GSE1: variants seen among roughly 807,000 people sequenced by gnomAD.
The protein encoded by GSE1 is Gse1 coiled-coil protein, also known as genetic suppressor element 1.
GSE1 carries 32 observed loss-of-function variants against 112.6 expected under a neutral mutation model. The observed-to-expected ratio is 0.28, with a 90% CI of 0.21 to 0.38. GSE1 has a LOEUF of 0.38. GSE1 is among the 10% of genes least tolerant of loss of function. The probability of loss-of-function intolerance (pLI) is 1.00; values close to 1 mark genes in which losing one functional copy is unlikely to be tolerated. For missense variants in GSE1, 2,348 were observed against 1,699.2 expected, an observed-to-expected ratio of 1.38 and a Z score of -6.71; for synonymous variants, 1,115 against 735.6, an observed-to-expected ratio of 1.52 and a Z score of -8.35.
intron 2 of GSE1, among the ~76,000 whole-genome samples, chr16:85,465,165 C>T (rs893696251): frequency 2.0e-5 from 3 of 152,234 alleles, no homozygotes; most frequent in Admixed American, 6.5e-5. Context: ...GAGTGTGGGA[C>T]GGCCCCTGGT....
rs533200354 is a variant in GSE1, at chr16:85,209,539, C to G, written c.2283+37732C>G. Among the ~76,000 whole-genome samples, 37 of 152,304 alleles carry G rather than the reference C, an allele frequency of 2.4e-4. No homozygotes were observed. In the South Asian group the frequency reaches 7.7e-3, roughly 32 times the overall value. On this transcript the variant is annotated intron_variant, in intron 1 of 2. Coordinates refer to the GSE1 transcript ENST00000637419. ...CCTCTCCCCCATCACCATCGCTGCC[C>G]CACATTAGGGAGAAACCCATAAGCA...
At chr16:85,256,183 C>T (rs180834469) in intron 1 of GSE1, among the ~76,000 whole-genome samples, 5 of 151,134 alleles carry the variant, frequency 3.3e-5, no homozygotes, top group East Asian at 2.0e-4. Flanking sequence ...GCTCTTCCCT[C>T]GGCAGGCAGA....
intron 1 of GSE1, among the ~76,000 whole-genome samples, chr16:85,258,251 G>A (rs1206884157): frequency 5.3e-5 from 8 of 152,308 alleles, no homozygotes; most frequent in East Asian, 3.9e-4. Context: ...CTGGCCCATC[G>A]CACCGCTGGG....
intron 2 of GSE1, among the ~76,000 whole-genome samples, chr16:85,636,455 G>A (rs1486147116): frequency 2.0e-5 from 3 of 152,206 alleles, no homozygotes; most frequent in African/African-American, 7.2e-5. Flanking sequence ...GTCTGGATGG[G>A]GAGGGACTGG....
rs549017042 is a variant in GSE1 at position 85,319,458 on chromosome 16, C to T, written c.2284-38005C>T. ...TGGCAGCAGAGCCTCCTCGTCCTCA[C>T]CCTTCCGTTCCAGCGGGAGTGGGTG... On this transcript the variant is annotated intron_variant, in intron 1 of 2. Transcript: ENST00000637419. Among the ~76,000 whole-genome samples, 4 of 152,320 alleles carry T rather than the reference C, an allele frequency of 2.6e-5. No individual in the cohort carries two copies. In the South Asian group the frequency reaches 8.3e-4, roughly 32 times the overall value.
At chr16:85,345,555 C>A (rs1037018061) in intron 1 of GSE1, among the ~76,000 whole-genome samples, 5 of 152,218 alleles carry the variant, frequency 3.3e-5, no homozygotes, top group African/African-American at 1.2e-4. Flanking sequence ...CAAACATCCT[C>A]TTCTCAGTGT....
chr16:85,668,279 G>C lies in GSE1; in HGVS notation c.3270G>C (p.Lys1090Asn). 1 of 1,613,172 alleles carries C rather than the reference G, an allele frequency of 6.2e-7. No individual in the cohort carries two copies. Among genetic ancestry groups the C allele is most frequent in the East Asian group, 2.2e-5 (1 of 44,868 alleles). The change falls in exon 14 of 16, where the codon AAG becomes AAC. Residue 1090 changes from lysine (K) to asparagine (N), a missense_variant. Lys to Asn is a moderately conservative substitution (Grantham distance 94, BLOSUM62 0). Coordinates refer to ENST00000253458, the MANE Select transcript of GSE1 (RefSeq NM_014615.5). Reference protein sequence around the residue: ...NGQQEPPTARKGPPTQELDRD... With the variant: ...NGQQEPPTARNGPPTQELDRD... ...AGCAGGAGCCCCCCACTGCAAGGAA[G>C]GGCCCCCCAACCCAGGAGTTGGACC...
intron 1 of GSE1, among the ~76,000 whole-genome samples, chr16:85,213,786 A>G (rs2143681573): frequency 6.6e-6 from 1 of 152,340 alleles, no homozygotes; most frequent in Non-Finnish European, 1.5e-5. Context: ...AGTGAAGAAC[A>G]TTGAAGGCCC....
At position 85,578,570 on chromosome 16, in the gene GSE1, AG is replaced by A. The variant is rs199718608; in HGVS notation, c.37+22208del. Among the ~76,000 whole-genome samples the A allele has an allele frequency of 6.5e-3, 995 of 152,306 alleles. 3 individuals carry two copies. The highest frequency in any genetic ancestry group is 9.9e-3 in the Non-Finnish European group (675 of 68,022). The stretch of plus-strand genomic sequence containing the variant: ...TTTTTATTTTGCAGGGAGGAACAAA[AG>A]CTTAAAGGGCTAACTGACTTGCCCA... On this transcript the variant is annotated intron_variant, in intron 1 of 2. Coordinates refer to the GSE1 transcript ENST00000635906.
At chr16:85,253,098 G>C (rs1373902412) in intron 1 of GSE1, among the ~76,000 whole-genome samples, 3 of 107,292 alleles carry the variant, frequency 2.8e-5, no homozygotes, top group South Asian at 3.1e-4. Context: ...CAGGCTGCTT[G>C]CAGGCCCGCT....
chr16:85,423,342 C>T (rs1031386878), intron 2 of GSE1, among the ~76,000 whole-genome samples: 1 of 152,172 alleles, frequency 6.6e-6, no homozygotes, highest in South Asian at 2.1e-4. Flanking sequence ...ATCGCTGCCT[C>T]GGGGGCTCCA....
intron 2 of GSE1, among the ~76,000 whole-genome samples, chr16:85,548,471 C>G (rs995246139): frequency 2.0e-5 from 3 of 151,938 alleles, no homozygotes; most frequent in African/African-American, 7.3e-5. Context: ...TTTCTTAGTT[C>G]CCACATATTA....
At chr16:85,290,444 A>G (rs2045175688) in intron 1 of GSE1, among the ~76,000 whole-genome samples, 1 of 152,104 alleles carries the variant, frequency 6.6e-6, no homozygotes, top group Admixed American at 6.5e-5. Context: ...CAACCTCGAT[A>G]GACACTAGGC....
chr16:85,472,369 C>T (rs1337918632), intron 2 of GSE1, among the ~76,000 whole-genome samples: 1 of 152,188 alleles, frequency 6.6e-6, no homozygotes, highest in Non-Finnish European at 1.5e-5. Flanking sequence ...TCCGGGCGTT[C>T]CTTGGCTTCT....
At chr16:85,235,324 G>A (rs950411169) in intron 1 of GSE1, among the ~76,000 whole-genome samples, 1 of 151,740 alleles carries the variant, frequency 6.6e-6, no homozygotes, top group African/African-American at 2.4e-5. Flanking sequence ...CTCCCCAGGC[G>A]AAGAGGGGTT....
chr16:85,487,226 C>G (rs571269727), intron 2 of GSE1, among the ~76,000 whole-genome samples: 1 of 152,182 alleles, frequency 6.6e-6, no homozygotes, highest in Admixed American at 6.5e-5. Context: ...TCCTCACCCC[C>G]CCAGGAAAAA....
intron 2 of GSE1, among the ~76,000 whole-genome samples, chr16:85,537,402 G>A (rs1029848435): frequency 3.9e-5 from 6 of 152,238 alleles, no homozygotes; most frequent in African/African-American, 1.4e-4. Flanking sequence ...CTGGACCTGA[G>A]ACGAGCTTTA....
chr16:85,310,768 C>G (rs2045817578), intron 1 of GSE1, among the ~76,000 whole-genome samples: 1 of 151,980 alleles, frequency 6.6e-6, no homozygotes, highest in Admixed American at 6.5e-5. Context: ...TCGGAGCAAC[C>G]TCTGGCCTGC....
rs140121048 is a variant in GSE1, at chr16:85,589,641, A to C, written c.37+33278A>C. On this transcript the variant is annotated intron_variant, in intron 1 of 2. Transcript: ENST00000635906. ...TGCGCATATGTGTGAATGTCAGTGA[A>C]TGTGTATGTGTGACGTGTGCAAATG... Among the ~76,000 whole-genome samples, 72 of 152,182 alleles carry C rather than the reference A, an allele frequency of 4.7e-4. 2 individuals carry two copies. The East Asian group carries it at 5.8e-3, about 12-fold the overall frequency.
Sources: gnomAD v4.1 joint callset for allele counts (sites outside exome capture counted in the v4.1 genomes callset) on GRCh38, gnomAD v4.1.1 for gene constraint, MANE v1.5 for transcripts, NCBI Gene and HGNC (gene_info 2026-07-23, HGNC 2026-07-21) for gene names.